The following SASH3 variants were observed in gnomAD, a reference collection of about 807,000 sequenced individuals.
SASH3 encodes the protein SAM and SH3 domain containing 3.
In SASH3, 7 loss-of-function variants were observed where a neutral mutation model predicts 26.1. The observed-to-expected ratio is 0.27, with a 90% CI of 0.15 to 0.50. The LOEUF is 0.50. SASH3 is among the 20% of genes least tolerant of loss of function. The probability of loss-of-function intolerance (pLI) is 0.98; values close to 1 mark genes in which losing one functional copy is unlikely to be tolerated. For missense variants in SASH3, 231 were observed against 318.3 expected (o/e 0.73, Z 2.09); for synonymous variants, 138 against 136.8 (o/e 1.01, Z -0.06).
At chrX:129,785,912 A>T (rs1192880361) in intron 1 of SASH3, among the ~76,000 whole-genome samples, 1 of 112,656 alleles carries the variant, frequency 8.9e-6, no homozygotes, top group Non-Finnish European at 1.9e-5. Flanking sequence ...AAGAGGAGGA[A>T]GTTATCCAGG....
Position 129,794,299 on chromosome X carries a change from A to G in SASH3, c.*467A>G, listed in dbSNP as rs1927293418. On this transcript the variant is annotated 3_prime_UTR_variant, in exon 8 of 8. Coordinates refer to ENST00000356892, the MANE Select transcript of SASH3 (RefSeq NM_018990.4). ...AAGCTGGCCATTTAAAAGAACCCAA[A>G]CTGACCATGGGTAAATCCAGTTCCC... 1 of 125,769 alleles carries G rather than the reference A, an allele frequency of 8.0e-6. No individual in the cohort carries two copies. The highest frequency in any genetic ancestry group is 1.6e-5 in the Non-Finnish European group (1 of 61,279). 10.4% of individuals were successfully genotyped at this position (125,769 alleles called of 1,213,427 possible).
chrX:129,793,549 G>T (rs1260902686), intron 7 of SASH3, 93 bp from the exon 8 acceptor site: 2 of 944,689 alleles, frequency 2.1e-6, no homozygotes, highest in Non-Finnish European at 2.9e-6. Flanking sequence ...CAGGGCGGTG[G>T]CAGGTGCCCA....
chrX:129,785,792 G>A (rs1004100888), intron 1 of SASH3, among the ~76,000 whole-genome samples: 2 of 112,079 alleles, frequency 1.8e-5, no homozygotes, highest in African/African-American at 6.5e-5. Context: ...TTGGTGGAGA[G>A]AAGGCCACAA....
rs770649819 is a variant in SASH3 at position 129,792,302 on chromosome X, C to A, written c.443-26C>A. On this transcript the variant is annotated intron_variant, in intron 4 of 7. Coordinates refer to ENST00000356892, the MANE Select transcript of SASH3 (RefSeq NM_018990.4). ...TCAGCTGTTCTAGGACAAAGGTGAG[C>A]CTCCTCCCTGCCCCATCTCCTGCAG... 5.9e-6 allele frequency: 7 copies of A among 1,185,638 alleles called. No individual in the cohort carries two copies. The African/African-American group carries it at 1.2e-4, about 21-fold the overall frequency.
intron 1 of SASH3, among the ~76,000 whole-genome samples, chrX:129,781,458 C>T (rs1207905148): frequency 1.8e-5 from 2 of 111,862 alleles, no homozygotes; most frequent in Admixed American, 1.9e-4. Context: ...CTAGGCCCAG[C>T]AGGACTGCCA....
intron 3 of SASH3, among the ~76,000 whole-genome samples, chrX:129,789,165 GAGAAA>G (rs1569312716): frequency 1.4e-3 from 86 of 62,335 alleles, no homozygotes; most frequent in African/African-American, 4.0e-3. Flanking sequence ...AAGAAAGAAA[GAGAAA>G]AAAAAAAAAA....
At chrX:129,789,128 A>AGAAAGAAAGAAAG (rs1249372505) in intron 3 of SASH3, among the ~76,000 whole-genome samples, 3 of 62,197 alleles carry the variant, frequency 4.8e-5, no homozygotes, top group African/African-American at 3.1e-4. Context: ...AAAGAAAGAA[A>AGAAAGAAAGAAAG]GAAAGAAAGA....
chrX:129,794,852 CAA>C lies in SASH3; in HGVS notation c.*1022_*1023del, dbSNP rs1927306568. On this transcript the variant is annotated 3_prime_UTR_variant, in exon 8 of 8. Coordinates refer to ENST00000356892, the MANE Select transcript of SASH3 (RefSeq NM_018990.4). ...GGCCACTTGTGTGGGTCCTCACAAG[CAA>C]AGAGAGCACTAAACTTGACATTGGG... The C allele has an allele frequency of 9.0e-6, 1 of 111,608 alleles. No homozygotes were observed. The highest frequency in any genetic ancestry group is 1.9e-5 in the Non-Finnish European group (1 of 53,122). 9.2% of individuals were successfully genotyped at this position (111,608 alleles called of 1,213,427 possible). A position where few individuals can be genotyped will look rare whatever the true frequency, so the allele number is the denominator to read the frequency against.
At chrX:129,786,767 C>T (rs1440491306) in intron 1 of SASH3, among the ~76,000 whole-genome samples, 10 of 109,503 alleles carry the variant, frequency 9.1e-5, no homozygotes, top group South Asian at 4.0e-4. Context: ...GAGGCTGAGG[C>T]GGCAGATCGC....
chrX:129,786,380 G>A (rs1198157583), intron 1 of SASH3, among the ~76,000 whole-genome samples: 1 of 111,788 alleles, frequency 8.9e-6, no homozygotes, highest in Non-Finnish European at 1.9e-5. Context: ...GTGTTGGTGG[G>A]GGACAGGTGA....
chrX:129,785,701 C>T (rs1927095698), intron 1 of SASH3, among the ~76,000 whole-genome samples: 1 of 112,356 alleles, frequency 8.9e-6, no homozygotes, highest in African/African-American at 3.2e-5. Flanking sequence ...TGCCTGCCCT[C>T]CTGCTTGCTT....
In SASH3 at chrX:129,793,768, A is replaced by G. The variant is rs752401302; in HGVS notation, c.1079A>G (p.Asp360Gly). Residue 360 changes from aspartate (D) to glycine (G), a missense_variant, in exon 8 of 8, where the codon GAT (aspartate) becomes GGT (glycine). Coordinates refer to ENST00000356892, the MANE Select transcript of SASH3 (RefSeq NM_018990.4). ...TTTGAGGGCTCGGAGAGCGGGCGCG[A>G]TGACGCAGAGCTGGCAGGCACTGAG... ...GCFEGSESGR[D>G]DAELAGTEEQ... is the part of the protein sequence containing the mutation. 8.3e-7 allele frequency: 1 copy of G among 1,208,149 alleles called. No individual in the cohort carries two copies. Among genetic ancestry groups the G allele is most frequent in the Non-Finnish European group, 1.1e-6 (1 of 893,841 alleles).
At chrX:129,784,347 G>A (rs1042270419) in intron 1 of SASH3, among the ~76,000 whole-genome samples, 4 of 111,911 alleles carry the variant, frequency 3.6e-5, no homozygotes, top group African/African-American at 9.8e-5. Context: ...GGGCATTTGC[G>A]GGTTTTCCAC....
Position 129,788,412 on chromosome X carries a change from G to T in SASH3, c.154-19G>T, listed in dbSNP as rs370279222. ...GCAGGACCACCAGGGTCCCTGGATC[G>T]CCTCTTTTGTTGTCACAGATTCCAG... is the stretch of plus-strand genomic sequence containing the variant. On this transcript the variant is annotated intron_variant, in intron 2 of 7. Coordinates refer to ENST00000356892, the MANE Select transcript of SASH3 (RefSeq NM_018990.4). 1.1e-5 allele frequency: 13 copies of T among 1,208,626 alleles called. No individual in the cohort carries two copies. The African/African-American group carries it at 1.7e-4, about 16-fold the overall frequency.
Position 129,794,257 on chromosome X carries a change from G to C in SASH3, c.*425G>C, listed in dbSNP as rs1927292784. On this transcript the variant is annotated 3_prime_UTR_variant, in exon 8 of 8. Coordinates refer to ENST00000356892, the MANE Select transcript of SASH3 (RefSeq NM_018990.4). ...GGGGCCAAGTCAATGTTTCAGGTCA[G>C]TCTAAAAACCCTAGGGAAGCTGGCC... The C allele has an allele frequency of 2.7e-5, 4 of 148,940 alleles. No homozygotes were observed. Among genetic ancestry groups the C allele is most frequent in the African/African-American group, 1.2e-4 (4 of 32,781 alleles). 12.3% of individuals were successfully genotyped at this position (148,940 alleles called of 1,213,427 possible).
chrX:129,781,400 T>A (rs1422583985), intron 1 of SASH3, among the ~76,000 whole-genome samples: 2 of 111,448 alleles, frequency 1.8e-5, no homozygotes, highest in African/African-American at 3.3e-5. Context: ...GGGAGGTTCA[T>A]GAATCTTCAC....
chrX:129,788,137 G>GGGGGGGGGGGGGGGGGGGGGGC, intron 2 of SASH3, 67 bp downstream of exon 2: 4 of 354,262 alleles, frequency 1.1e-5, no homozygotes, highest in Non-Finnish European at 1.1e-5. Flanking sequence ...GGGTGGGAGG[G>GGGGGGGGGGGGGGGGGGGGGGC]AAGAGGGTGA....
intron 1 of SASH3, among the ~76,000 whole-genome samples, chrX:129,786,596 C>G (rs1357816502): frequency 8.9e-6 from 1 of 111,977 alleles, no homozygotes; most frequent in East Asian, 2.8e-4. Context: ...GACTGTTTAT[C>G]TTGATACAGG....
intron 4 of SASH3, 104 bp from the exon 5 acceptor site, chrX:129,792,224 T>C (rs1396894719): frequency 6.6e-5 from 63 of 951,909 alleles, no homozygotes; most frequent in Non-Finnish European, 8.6e-5. Flanking sequence ...TCCCGGTGTA[T>C]ACCCTTGGGA....
Sources: gnomAD v4.1 joint callset for allele counts (sites outside exome capture counted in the v4.1 genomes callset) on GRCh38, gnomAD v4.1.1 for gene constraint, MANE v1.5 for transcripts, NCBI Gene and HGNC (gene_info 2026-07-23, HGNC 2026-07-21) for gene names.